The following ADGRL2 variants were observed in gnomAD, a reference collection of about 807,000 sequenced individuals.
ADGRL2 encodes the protein calcium-independent alpha-latrotoxin receptor 2.
A neutral mutation model predicts 157.4 loss-of-function variants in ADGRL2; 44 were observed. The observed-to-expected ratio is 0.28, with a 90% confidence interval of 0.22 to 0.36. The LOEUF (loss-of-function observed/expected upper bound fraction) is 0.36, where lower values mean the gene tolerates loss of function less well. Ranked by LOEUF, ADGRL2 falls within the 10% of genes least tolerant of loss-of-function variation. The pLI is 1.00. For synonymous variants in ADGRL2, 585 were observed against 624.7 expected (o/e 0.94, Z 0.95); for missense variants, 1,510 against 1,768.9 (o/e 0.85, Z 2.63).
chr1:81,826,053 G>C (rs557405801), intron 1 of ADGRL2, among the ~76,000 whole-genome samples: 3 of 152,154 alleles, frequency 2.0e-5, no homozygotes, highest in African/African-American at 7.2e-5. Context: ...CTTTTGTATT[G>C]ACAGAGCTAT....
At chr1:81,412,969 G>C (rs1366160842) in intron 1 of ADGRL2, among the ~76,000 whole-genome samples, 1 of 152,058 alleles carries the variant, frequency 6.6e-6, no homozygotes, top group Non-Finnish European at 1.5e-5. Flanking sequence ...GGCCATTAAT[G>C]ATGACTCAGT....
At chr1:81,649,137 C>A (rs2082365350) in intron 3 of ADGRL2, among the ~76,000 whole-genome samples, 1 of 152,198 alleles carries the variant, frequency 6.6e-6, no homozygotes, top group African/African-American at 2.4e-5. Context: ...CTTCCCTCTT[C>A]TGGAATACCC....
intron 2 of ADGRL2, among the ~76,000 whole-genome samples, chr1:81,555,128 G>T (rs886681135): frequency 1.3e-5 from 2 of 152,046 alleles, no homozygotes; most frequent in African/African-American, 4.8e-5. Flanking sequence ...AGCCACAGGA[G>T]TACTGCCAGT....
intron 1 of ADGRL2, among the ~76,000 whole-genome samples, chr1:81,821,955 T>G (rs970684862): frequency 6.6e-6 from 1 of 151,920 alleles, no homozygotes; most frequent in Non-Finnish European, 1.5e-5. Flanking sequence ...TTTTTTTCAG[T>G]AGGCTCTGTA....
intron 2 of ADGRL2, chr1:81,514,741 A>C (rs1215177857): frequency 6.6e-6 from 1 of 152,236 alleles, no homozygotes; most frequent in Non-Finnish European, 1.5e-5. Context: ...CAAGCTTATA[A>C]GTACCAAAAA....
chr1:81,925,499 T>G (rs1391813441), intron 3 of ADGRL2, among the ~76,000 whole-genome samples: 3 of 151,852 alleles, frequency 2.0e-5, no homozygotes, highest in Non-Finnish European at 4.4e-5. Context: ...ACATGAAAGT[T>G]GGGAAAGATC....
intron 3 of ADGRL2, among the ~76,000 whole-genome samples, chr1:81,925,785 ATATTAG>A (rs2095090781): frequency 6.6e-6 from 1 of 152,052 alleles, no homozygotes; most frequent in Non-Finnish European, 1.5e-5. Context: ...AGTGGAAATT[ATATTAG>A]TTATCAATTC....
intron 1 of ADGRL2, among the ~76,000 whole-genome samples, chr1:81,738,103 TG>T (rs1162192741): frequency 1.3e-5 from 2 of 152,200 alleles, no homozygotes; most frequent in Non-Finnish European, 2.9e-5. Flanking sequence ...CTATGTATCC[TG>T]CATTACAAAA....
intron 2 of ADGRL2, among the ~76,000 whole-genome samples, chr1:81,533,831 A>G (rs950452883): frequency 1.3e-5 from 2 of 152,300 alleles, no homozygotes; most frequent in South Asian, 4.1e-4. Context: ...GGGCACCAGC[A>G]GTGAATCACT....
At chr1:81,471,629 AGTT>A (rs2078174809) in intron 2 of ADGRL2, among the ~76,000 whole-genome samples, 1 of 152,212 alleles carries the variant, frequency 6.6e-6, no homozygotes, top group South Asian at 2.1e-4. Flanking sequence ...AGGCGTAAAC[AGTT>A]GTTGAATAGA....
At chr1:81,732,374 C>G (rs1339632460) in intron 1 of ADGRL2, among the ~76,000 whole-genome samples, 1 of 152,140 alleles carries the variant, frequency 6.6e-6, no homozygotes, top group African/African-American at 2.4e-5. Context: ...TTTTTAAACT[C>G]TATTGTTCTT....
At position 81,943,060 on chromosome 1, in the gene ADGRL2, T is replaced by G. The variant is rs766684456; in HGVS notation, c.501T>G (p.Pro167=). The change falls in exon 6 of 24, where the codon CCT becomes CCG. Residue 167 remains proline (P), a synonymous_variant. Coordinates refer to ENST00000686636, the MANE Select transcript of ADGRL2 (RefSeq NM_001366006.2). This position sits in a 1 kb window ranked among gnomAD's most constrained non-coding sequence, Gnocchi z 5.6. ...EQKAGAWCKD[P]LQAADKIYFM... ...AGGCGGGTGCTTGGTGCAAGGACCC[T>G]CTTCAGGCTGCAGATAAAATTTATT... 6.2e-7 allele frequency: 1 copy of G among 1,613,374 alleles called. No individual in the cohort carries two copies. The highest frequency in any genetic ancestry group is 1.7e-5 in the Admixed American group (1 of 59,926).
In ADGRL2 at chr1:81,715,593, C is replaced by T. The variant is rs185284032; in HGVS notation, c.-143+15785C>T. Among the ~76,000 whole-genome samples, 448 of 152,146 alleles carry T rather than the reference C, an allele frequency of 2.9e-3. 2 individuals are homozygous for T. Among genetic ancestry groups the T allele is most frequent in the African/African-American group, 0.01 (429 of 41,524 alleles). On this transcript the variant is annotated intron_variant, in intron 1 of 20. Transcript: ENST00000359929. ...TGAATATGAGAGTTATTATGTTAAG[C>T]GTGGAGTAAGAGTGTGCTGAGCACT...
intron 3 of ADGRL2, among the ~76,000 whole-genome samples, chr1:81,591,670 A>G (rs2081136192): frequency 1.3e-5 from 2 of 152,172 alleles, no homozygotes; most frequent in Admixed American, 6.5e-5. Context: ...GTGACGGTAC[A>G]TCACTTCCAT....
chr1:81,595,956 T>C (rs2081224424), intron 3 of ADGRL2, among the ~76,000 whole-genome samples: 1 of 152,160 alleles, frequency 6.6e-6, no homozygotes, highest in Admixed American at 6.5e-5. Context: ...GTCTTCTCCT[T>C]GTCCTCACAG....
In ADGRL2 at chr1:81,968,009, G is replaced by A. The variant is rs1289208671; in HGVS notation, c.2350-17G>A. On this transcript the variant is annotated splice_polypyrimidine_tract_variant and intron_variant, in intron 13 of 23. Coordinates refer to ENST00000686636, the MANE Select transcript of ADGRL2 (RefSeq NM_001366006.2). The stretch of plus-strand genomic sequence containing the variant: ...GAATATAAAATCCTAATTTTATCTT[G>A]TCATTTTATTTCCCAGCCTGACAAT... 1 of 1,606,308 alleles carries A rather than the reference G, an allele frequency of 6.2e-7. No individual in the cohort carries two copies. Among genetic ancestry groups the A allele is most frequent in the Non-Finnish European group, 8.5e-7 (1 of 1,173,384 alleles).
At chr1:81,721,648 G>A in intron 1 of ADGRL2, 1 of 879,664 alleles carries the variant, frequency 1.1e-6, no homozygotes, top group Admixed American at 2.0e-5. Flanking sequence ...GCCTGGGCCT[G>A]GAACCGGGCT....
chr1:81,455,753 G>T (rs1427552026), intron 2 of ADGRL2, among the ~76,000 whole-genome samples: 1 of 152,158 alleles, frequency 6.6e-6, no homozygotes, highest in Admixed American at 6.5e-5. Context: ...CAGCATTATT[G>T]TAGATACAGC....
At chr1:81,505,271 G>T in intron 2 of ADGRL2, 2 of 534,764 alleles carry the variant, frequency 3.7e-6, no homozygotes, top group South Asian at 3.1e-5. Context: ...AGCCTGCAGG[G>T]TGTGGGCAGA....
Sources: gnomAD v4.1 joint callset for allele counts (sites outside exome capture counted in the v4.1 genomes callset) on GRCh38, gnomAD v4.1.1 for gene constraint, Gnocchi (gnomAD v3.1) non-coding constraint, MANE v1.5 for transcripts, NCBI Gene and HGNC (gene_info 2026-07-23, HGNC 2026-07-21) for gene names.